SLC27A6: variants seen among roughly 807,000 people sequenced by gnomAD.
SLC27A6 encodes long-chain fatty acid transport protein 6.
In SLC27A6, 74 loss-of-function variants were observed where a neutral mutation model predicts 63.9. The observed-to-expected ratio is 1.16, with a 90% confidence interval of 0.96 to 1.40. The LOEUF (loss-of-function observed/expected upper bound fraction) is 1.40, where lower values mean the gene tolerates loss of function less well. Ranked by LOEUF, SLC27A6 falls within the 40% of genes most tolerant of loss-of-function variation. The pLI is 0.00. For synonymous variants in SLC27A6, 287 were observed against 260.8 expected, an observed-to-expected ratio of 1.10 and a Z score of -0.97; for missense variants, 794 against 732.9, an observed-to-expected ratio of 1.08 and a Z score of -0.96.
chr5:129,025,096 A>C (rs1752191954), intron 6 of SLC27A6, among the ~76,000 whole-genome samples: 1 of 152,180 alleles, frequency 6.6e-6, no homozygotes, highest in African/African-American at 2.4e-5. Flanking sequence ...GAATCCCAGA[A>C]CTGTGCTTAT....
At chr5:129,004,401 TTC>T (rs376325386) in intron 4 of SLC27A6, among the ~76,000 whole-genome samples, 1 of 152,314 alleles carries the variant, frequency 6.6e-6, no homozygotes, top group East Asian at 1.9e-4. Flanking sequence ...CTTGCTTTCT[TTC>T]TCTCTGAGTC....
chr5:128,980,272 G>T (rs922595234), intron 1 of SLC27A6, among the ~76,000 whole-genome samples: 1 of 152,176 alleles, frequency 6.6e-6, no homozygotes, highest in African/African-American at 2.4e-5. Context: ...GCACCACAAT[G>T]AATGGTTTAT....
intron 4 of SLC27A6, among the ~76,000 whole-genome samples, chr5:128,999,031 A>G (rs985086242): frequency 3.9e-5 from 6 of 152,128 alleles, no homozygotes; most frequent in African/African-American, 1.4e-4. Context: ...GGGAGCCTGA[A>G]ATTTAAGCCT....
At chr5:128,974,251 G>T (rs1054184845) in intron 1 of SLC27A6, among the ~76,000 whole-genome samples, 2 of 152,018 alleles carry the variant, frequency 1.3e-5, no homozygotes, top group East Asian at 1.9e-4. Context: ...ATAACTAATT[G>T]CATTGTTTTC....
Position 128,966,126 on chromosome 5 carries a change from C to T in SLC27A6, c.-12C>T. On this transcript the variant is annotated 5_prime_UTR_variant, in exon 1 of 10. Coordinates refer to ENST00000262462, the MANE Select transcript of SLC27A6 (RefSeq NM_001017372.3). ...GCTGAGATCAGAGCTGTCTTCTGGC[C>T]CAGTTGCCCCCATGCTTCTGTCATG... 1.3e-6 allele frequency: 2 copies of T among 1,533,356 alleles called. No individual in the cohort carries two copies. The highest frequency in any genetic ancestry group is 4.5e-5 in the East Asian group (2 of 44,400). 95.0% of individuals were successfully genotyped at this position (1,533,356 alleles called of 1,614,324 possible).
chr5:128,995,173 A>G (rs559232645), intron 4 of SLC27A6, among the ~76,000 whole-genome samples: 2 of 152,158 alleles, frequency 1.3e-5, no homozygotes, highest in East Asian at 3.9e-4. Flanking sequence ...TTGGTGAGGA[A>G]TATGTTGGAA....
intron 4 of SLC27A6, among the ~76,000 whole-genome samples, chr5:129,005,472 G>T (rs1751488202): frequency 6.6e-6 from 1 of 152,154 alleles, no homozygotes; most frequent in South Asian, 2.1e-4. Flanking sequence ...GGTTCAGCAA[G>T]ATTTTTCTGT....
intron 5 of SLC27A6, among the ~76,000 whole-genome samples, chr5:129,023,032 A>G (rs1324790642): frequency 6.6e-6 from 1 of 152,148 alleles, no homozygotes; most frequent in Admixed American, 6.6e-5. Context: ...ATCTCACACC[A>G]AAAGAGTGTG....
intron 3 of SLC27A6, among the ~76,000 whole-genome samples, chr5:128,989,889 A>C (rs1012020146): frequency 6.8e-6 from 1 of 147,598 alleles, no homozygotes; most frequent in African/African-American, 2.5e-5. Context: ...GTGCCACTGC[A>C]CTCCAGCCTG....
intron 1 of SLC27A6, among the ~76,000 whole-genome samples, chr5:128,981,742 C>T (rs1243689598): frequency 1.3e-5 from 2 of 151,948 alleles, no homozygotes; most frequent in Non-Finnish European, 2.9e-5. Flanking sequence ...TAAACAAATG[C>T]TATTTTGTGT....
chr5:129,027,649 G>T (rs769043126), intron 7 of SLC27A6, among the ~76,000 whole-genome samples: 15 of 152,070 alleles, frequency 9.9e-5, no homozygotes, highest in Non-Finnish European at 1.9e-4. Flanking sequence ...GTCAACTGTA[G>T]TCTAATTCTT....
chr5:128,978,824 A>G (rs953298402), intron 1 of SLC27A6, among the ~76,000 whole-genome samples: 2 of 152,194 alleles, frequency 1.3e-5, no homozygotes, highest in East Asian at 3.8e-4. Flanking sequence ...TGCATACATG[A>G]TGATGGTCCC....
At chr5:128,968,522 G>T (rs1234379332) in intron 1 of SLC27A6, among the ~76,000 whole-genome samples, 1 of 152,156 alleles carries the variant, frequency 6.6e-6, no homozygotes, top group African/African-American at 2.4e-5. Flanking sequence ...GTGATGATGA[G>T]CATTTTTTCA....
rs1195772965 is a variant in SLC27A6, at chr5:128,989,226, G to C, written c.844+468G>C. Among the ~76,000 whole-genome samples, 3 of 152,210 alleles carry C rather than the reference G, an allele frequency of 2.0e-5. No homozygotes were observed. In the South Asian group the frequency reaches 6.2e-4, roughly 31 times the overall value. On this transcript the variant is annotated intron_variant, in intron 3 of 9. Transcript: ENST00000262462. ...AGAAACAGAAGCCACCTCTTGAAGG[G>C]AGAAGGAGCAAATTTACACTGCAAA...
chr5:129,000,496 C>G (rs953709569), intron 4 of SLC27A6, among the ~76,000 whole-genome samples: 1 of 152,242 alleles, frequency 6.6e-6, no homozygotes, highest in East Asian at 1.9e-4. Flanking sequence ...CTCAGACCTG[C>G]AAGGAAAGCT....
chr5:128,996,948 T>G (rs550225790), intron 4 of SLC27A6, among the ~76,000 whole-genome samples: 1 of 152,288 alleles, frequency 6.6e-6, no homozygotes, highest in African/African-American at 2.4e-5. Context: ...TTGTACCTGG[T>G]TAAGTGCATT....
In SLC27A6 at chr5:128,988,708, T is replaced by A. The variant is rs758325246; in HGVS notation, c.794T>A (p.Leu265Gln). 6.2e-7 allele frequency: 1 copy of A among 1,613,754 alleles called. No homozygotes were observed. Among genetic ancestry groups the A allele is most frequent in the Non-Finnish European group, 8.5e-7 (1 of 1,179,702 alleles). The change falls in exon 3 of 10, where the codon CTG becomes CAG. Residue 265 changes from leucine (L) to glutamine (Q), a missense_variant. Transcript: ENST00000262462. ...AHDIVYITLP[L>Q]YHSSAAILGI... ...GACATTGTTTATATAACCCTTCCTC[T>A]GTATCATAGTTCAGCAGCTATCCTG...
At chr5:128,994,331 T>C (rs1368491909) in intron 4 of SLC27A6, among the ~76,000 whole-genome samples, 4 of 152,340 alleles carry the variant, frequency 2.6e-5, no homozygotes, top group South Asian at 2.1e-4. Flanking sequence ...ATAATTTTTT[T>C]TTAAGCAGAG....
intron 6 of SLC27A6, 107 bp downstream of exon 6, chr5:129,023,817 A>T: frequency 1.4e-6 from 1 of 726,432 alleles, no homozygotes; most frequent in Non-Finnish European, 2.4e-6. Flanking sequence ...CCGGGTAGAC[A>T]CCAAAATTCA....
Sources: allele counts gnomAD v4.1 joint callset (sites outside exome capture counted in the v4.1 genomes callset), GRCh38; gene constraint gnomAD v4.1.1; transcripts MANE v1.5; gene names NCBI Gene and HGNC (gene_info 2026-07-23, HGNC 2026-07-21).